The following ZNF621 variants were observed in gnomAD, a reference collection of about 807,000 sequenced individuals.
ZNF621 encodes zinc finger protein 621.
In ZNF621, 6 loss-of-function variants were observed where a neutral mutation model predicts 12.7. The ratio of observed to expected loss-of-function variants is 0.47; its 90% CI spans 0.26 to 0.93. The LOEUF (loss-of-function observed/expected upper bound fraction) is 0.93, where lower values mean the gene tolerates loss of function less well. Ranked by LOEUF, ZNF621 falls within the 40% of genes least tolerant of loss-of-function variation. ZNF621 has a pLI of 0.15. For missense variants in ZNF621, 474 were observed against 524.0 expected, an observed-to-expected ratio of 0.90 and a Z score of 0.93; for synonymous variants, 156 against 190.3, an observed-to-expected ratio of 0.82 and a Z score of 1.48.
intron 4 of ZNF621, among the ~76,000 whole-genome samples, chr3:40,530,752 T>A (rs1698706205): frequency 6.6e-6 from 1 of 152,240 alleles, no homozygotes; most frequent in African/African-American, 2.4e-5. Flanking sequence ...GGCTTTAATT[T>A]GCCTTTTTAG....
chr3:40,526,989 G>A (rs1698598285), intron 2 of ZNF621, among the ~76,000 whole-genome samples: 1 of 152,102 alleles, frequency 6.6e-6, no homozygotes, highest in African/African-American at 2.4e-5. Context: ...CCAAGTAGCT[G>A]GGATTACAGG....
chr3:40,529,198 G>T (rs565683816), intron 2 of ZNF621, 121 bp from the exon 3 acceptor site: 9 of 1,237,886 alleles, frequency 7.3e-6, no homozygotes, highest in Admixed American at 6.8e-5. Context: ...TTGTTGAGCA[G>T]ACCTTACATG....
chr3:40,529,403 G>T lies in ZNF621; in HGVS notation c.109G>T (p.Gly37Trp), dbSNP rs573787592. 6 of 1,613,674 alleles carry T rather than the reference G, an allele frequency of 3.7e-6. No homozygotes were observed. The highest frequency in any genetic ancestry group is 5.1e-6 in the Non-Finnish European group (6 of 1,179,824). ...SLDPAQRALYGEVMLENYANV... is the reference protein window; with the variant it reads ...SLDPAQRALYWEVMLENYANV... ...CGACCCTGCGCAGAGGGCCCTGTAC[G>T]GGGAGGTGATGCTGGAGAATTATGC... Residue 37 changes from glycine to tryptophan, a missense_variant, in exon 3 of 5, where the codon GGG becomes TGG. By Grantham distance (184) the Gly-to-Trp change is radical. Coordinates refer to ENST00000339296, the MANE Select transcript of ZNF621 (RefSeq NM_198484.5).
rs962339103 is a variant in ZNF621, at chr3:40,536,526, C to T, written c.*3436C>T. On this transcript the variant is annotated 3_prime_UTR_variant, in exon 5 of 5. Coordinates refer to ENST00000339296, the MANE Select transcript of ZNF621 (RefSeq NM_198484.5). The stretch of plus-strand genomic sequence containing the variant: ...GAGAAAATATAAAAGGTAGTTCTGT[C>T]TCTATCCTGTCTCCTTTATTCTGCT... 6.6e-6 allele frequency: 1 copy of T among 152,158 alleles called. No individual in the cohort carries two copies. The highest frequency in any genetic ancestry group is 1.5e-5 in the Non-Finnish European group (1 of 68,032). The allele number at this position is 152,158 out of a possible 1,614,324, so 9.4% of individuals were successfully genotyped here.
Position 40,532,597 on chromosome 3 carries a change from C to A in ZNF621, c.827C>A (p.Ser276Ter). The A allele has an allele frequency of 6.2e-7, 1 of 1,613,930 alleles. No homozygotes were observed. The highest frequency in any genetic ancestry group is 8.5e-7 in the Non-Finnish European group (1 of 1,179,980). The part of the protein sequence containing the change: ...KECWKAFGCR[S>*]LFIVHQRIHT... ...TGTTGGAAAGCTTTCGGTTGTAGGT[C>A]ACTTTTTATTGTCCATCAGAGAATT... is the stretch of plus-strand genomic sequence containing the variant. Residue 276 changes from serine (S) to a stop codon, truncating the protein, a stop_gained, in exon 5 of 5, where the codon TCA (serine) becomes TAA (stop). Transcript: ENST00000339296. LOFTEE classifies it low-confidence loss of function (END_TRUNC).
At position 40,534,087 on chromosome 3, in the gene ZNF621, G is replaced by T. The variant is rs1698804932; in HGVS notation, c.*997G>T. 1 of 152,014 alleles carries T rather than the reference G, an allele frequency of 6.6e-6. No homozygotes were observed. The highest frequency in any genetic ancestry group is 1.9e-4 in the East Asian group (1 of 5,172). 9.4% of individuals were successfully genotyped at this position (152,014 alleles called of 1,614,324 possible). On this transcript the variant is annotated 3_prime_UTR_variant, in exon 5 of 5. Coordinates refer to ENST00000339296, the MANE Select transcript of ZNF621 (RefSeq NM_198484.5). ...GGCATTCATCTTTGTTGAATCTGTTGTGCAGATTTTTCTTGATGAGCATTC... is the reference window on the plus strand; with the variant it reads ...GGCATTCATCTTTGTTGAATCTGTTTTGCAGATTTTTCTTGATGAGCATTC...
At chr3:40,525,632 G>T in intron 1 of ZNF621, 147 bp from the exon 2 acceptor site, 2 of 673,332 alleles carry the variant, frequency 3.0e-6, no homozygotes, top group Non-Finnish European at 2.6e-6. Flanking sequence ...TAAGAAGTTT[G>T]GGGCTATCAG....
Position 40,531,999 on chromosome 3 carries a change from AACTAGGAACACTTGTGGTT to A in ZNF621, c.260-30_260-12del. On this transcript the variant is annotated splice_polypyrimidine_tract_variant and intron_variant, in intron 4 of 4. Transcript: ENST00000339296. The stretch of plus-strand genomic sequence containing the variant: ...GATCCTACTTTTCTTCCAGTTTTGT[AACTAGGAACACTTGTGGTT>A]TCTTTGGTCAGGTGGTGAGTCCTGG... The A allele has an allele frequency of 1.3e-6, 2 of 1,557,328 alleles. No individual in the cohort carries two copies. Among genetic ancestry groups the A allele is most frequent in the Non-Finnish European group, 1.7e-6 (2 of 1,157,436 alleles).
At chr3:40,530,126 C>A in intron 3 of ZNF621, 83 bp from the exon 4 acceptor site, 1 of 1,151,718 alleles carries the variant, frequency 8.7e-7, no homozygotes, top group Non-Finnish European at 1.3e-6. Flanking sequence ...CCCAAGTAGC[C>A]TGATGGAGGG....
rs13086983 is a variant in ZNF621 at position 40,533,243 on chromosome 3, C to T, written c.*153C>T. The T allele has an allele frequency of 0.046, 56,459 of 1,238,600 alleles. 2,233 individuals are homozygous for T. The highest frequency in any genetic ancestry group is 0.19 in the East Asian group (7,568 of 38,936). The allele number at this position is 1,238,600 out of a possible 1,614,324, so 76.7% of individuals were successfully genotyped here. Reference sequence around the variant, plus strand: ...GCAACCTCCCCCTCCTGGGTTCAAGCGATTCTCCTCCTTCAGACTCTCGAA... The same window carrying T: ...GCAACCTCCCCCTCCTGGGTTCAAGTGATTCTCCTCCTTCAGACTCTCGAA... On this transcript the variant is annotated 3_prime_UTR_variant, in exon 5 of 5. Coordinates refer to ENST00000339296, the MANE Select transcript of ZNF621 (RefSeq NM_198484.5).
Position 40,532,472 on chromosome 3 carries a change from C to G in ZNF621, c.702C>G (p.Pro234=), listed in dbSNP as rs202039001. The change falls in exon 5 of 5, where the codon CCC becomes CCG. Residue 234 remains proline, a synonymous_variant. Coordinates refer to ENST00000339296, the MANE Select transcript of ZNF621 (RefSeq NM_198484.5). ...AGAGGATCCACACTGGAGAGAAACC[C>G]TATGAATGTAAAGAGTGTGGAAAGG... ...QHQRIHTGEK[P]YECKECGKAF... The G allele has an allele frequency of 3.1e-6, 5 of 1,613,960 alleles. No homozygotes were observed. The highest frequency in any genetic ancestry group is 4.2e-6 in the Non-Finnish European group (5 of 1,180,026).
Position 40,532,383 on chromosome 3 carries a change from G to T in ZNF621, c.613G>T (p.Gly205Trp). 1 of 1,612,850 alleles carries T rather than the reference G, an allele frequency of 6.2e-7. No homozygotes were observed. The highest frequency in any genetic ancestry group is 8.5e-7 in the Non-Finnish European group (1 of 1,179,880). ...ACATGAGAAAAACCACATTGGAGAAGGGCCCTATGAATGTAAGGAGTGTGG... is the reference window on the plus strand; with the variant it reads ...ACATGAGAAAAACCACATTGGAGAATGGCCCTATGAATGTAAGGAGTGTGG... ...IVHEKNHIGE[G>W]PYECKECGKG... The change falls in exon 5 of 5, where the codon GGG becomes TGG. Residue 205 changes from glycine (G) to tryptophan (W), a missense_variant. Transcript: ENST00000339296.
chr3:40,523,577 A>G (rs184991572), upstream of ZNF621, among the ~76,000 whole-genome samples: 13 of 152,300 alleles, frequency 8.5e-5, no homozygotes, highest in African/African-American at 3.1e-4. Context: ...CATCCTGGCT[A>G]ACACGGTGAA....
At chr3:40,529,701 C>A (rs1698676903) in intron 3 of ZNF621, 1 of 868,754 alleles carries the variant, frequency 1.2e-6, no homozygotes, top group Non-Finnish European at 1.7e-6. Flanking sequence ...TGGCTCACTG[C>A]AGCCTCCAAC....
chr3:40,525,515 A>T (rs1230266739), intron 1 of ZNF621: 1 of 564,136 alleles, frequency 1.8e-6, no homozygotes, highest in Non-Finnish European at 3.1e-6. Flanking sequence ...CAATAGGGAC[A>T]GGGCTCTTGG....
At chr3:40,531,065 C>G (rs1348154718) in intron 4 of ZNF621, among the ~76,000 whole-genome samples, 3 of 152,218 alleles carry the variant, frequency 2.0e-5, no homozygotes, top group African/African-American at 7.2e-5. Flanking sequence ...TCCTTTAGCA[C>G]AGGTACCACA....
upstream of ZNF621, among the ~76,000 whole-genome samples, chr3:40,524,404 A>G (rs1321020190): frequency 1.3e-5 from 2 of 152,236 alleles, no homozygotes; most frequent in Non-Finnish European, 2.9e-5. Flanking sequence ...CAGGATGCCT[A>G]GCAACTGTAT....
chr3:40,525,761 T>TGGC lies in ZNF621; in HGVS notation c.-62-17_-62-15dup, dbSNP rs1223385104. 2 of 1,608,344 alleles carry TGGC rather than the reference T, an allele frequency of 1.2e-6. No homozygotes were observed. The highest frequency in any genetic ancestry group is 4.5e-5 in the East Asian group (2 of 44,860). Reference sequence around the variant, plus strand: ...TGGACGACAGGGTCCTTAGCACTCATGGCTCTTTTTCTCTTAGCTCTTGAG... The same window carrying TGGC: ...TGGACGACAGGGTCCTTAGCACTCATGGCGGCTCTTTTTCTCTTAGCTCTTGAG... On this transcript the variant is annotated splice_polypyrimidine_tract_variant and intron_variant, in intron 1 of 4. Coordinates refer to ENST00000339296, the MANE Select transcript of ZNF621 (RefSeq NM_198484.5).
Position 40,532,517 on chromosome 3 carries a change from A to T in ZNF621, c.747A>T (p.Ala249=), listed in dbSNP as rs1229324276. 6.2e-7 allele frequency: 1 copy of T among 1,614,086 alleles called. No homozygotes were observed. Among genetic ancestry groups the T allele is most frequent in the African/African-American group, 1.3e-5 (1 of 74,914 alleles). Residue 249 remains alanine (A), a synonymous_variant, in exon 5 of 5, where the codon GCA becomes GCT. Coordinates refer to ENST00000339296, the MANE Select transcript of ZNF621 (RefSeq NM_198484.5). ...GAAAGGCTTTCCGTAGGAGTGCGGC[A>T]TACCTGCAGCATCAGAGATTACACA... ...ECGKAFRRSA[A]YLQHQRLHTG...
Sources: gnomAD v4.1 joint callset for allele counts (sites outside exome capture counted in the v4.1 genomes callset) on GRCh38, gnomAD v4.1.1 for gene constraint, MANE v1.5 for transcripts, NCBI Gene and HGNC (gene_info 2026-07-23, HGNC 2026-07-21) for gene names.